Variants in PTBP2 observed in about 807,000 individuals in gnomAD.
The protein encoded by PTBP2 is polypyrimidine tract-binding protein 2.
PTBP2 carries 13 observed loss-of-function variants against 61.4 expected under a neutral mutation model. The observed-to-expected ratio is 0.21, with a 90% confidence interval of 0.14 to 0.34. PTBP2 has a LOEUF of 0.34. Ranked by LOEUF, PTBP2 falls within the 10% of genes least tolerant of loss-of-function variation. The pLI is 1.00. For missense variants in PTBP2, 405 were observed against 642.6 expected (o/e 0.63, Z 4.00); for synonymous variants, 215 against 218.5 (o/e 0.98, Z 0.14).
At chr1:96,800,791 A>G (rs978133606) in intron 8 of PTBP2, among the ~76,000 whole-genome samples, 1 of 152,060 alleles carries the variant, frequency 6.6e-6, no homozygotes, top group Admixed American at 6.6e-5. Flanking sequence ...TACCATTATA[A>G]ATTTATTTTA....
intron 2 of PTBP2, among the ~76,000 whole-genome samples, chr1:96,739,206 ATTGATAAAGTTATTAATG>A (rs1652643164): frequency 6.6e-6 from 1 of 152,160 alleles, no homozygotes; most frequent in Non-Finnish European, 1.5e-5. Context: ...AGTTATTAAT[ATTGATAAAGTTATTAATG>A]TTGCTTAATT....
chr1:96,765,331 A>G (rs1204043900), intron 3 of PTBP2, among the ~76,000 whole-genome samples: 2 of 152,220 alleles, frequency 1.3e-5, no homozygotes, highest in African/African-American at 2.4e-5. Context: ...GGACAGAAGT[A>G]TAAGGTTTTG....
intron 8 of PTBP2, among the ~76,000 whole-genome samples, chr1:96,802,885 A>G (rs1186717241): frequency 2.6e-5 from 4 of 152,240 alleles, no homozygotes; most frequent in African/African-American, 9.6e-5. Flanking sequence ...ACTTTAGTCA[A>G]ATATTCTGTG....
At chr1:96,754,726 G>A (rs1282736018) in intron 3 of PTBP2, among the ~76,000 whole-genome samples, 1 of 152,082 alleles carries the variant, frequency 6.6e-6, no homozygotes, top group Non-Finnish European at 1.5e-5. Flanking sequence ...ACTGATTTTT[G>A]ACAAAGGTGC....
intron 1 of PTBP2, among the ~76,000 whole-genome samples, chr1:96,722,618 G>T (rs1248473209): frequency 1.3e-5 from 2 of 152,188 alleles, no homozygotes; most frequent in Admixed American, 1.3e-4. Flanking sequence ...AAAACGAAGT[G>T]TTTGAAGCCG....
At chr1:96,757,524 A>G (rs906773308) in intron 3 of PTBP2, among the ~76,000 whole-genome samples, 2 of 152,174 alleles carry the variant, frequency 1.3e-5, no homozygotes, top group Admixed American at 6.5e-5. Context: ...ATTTATGGCA[A>G]TTGATAGGAT....
At chr1:96,767,148 T>G (rs951919318) in intron 3 of PTBP2, among the ~76,000 whole-genome samples, 2 of 152,170 alleles carry the variant, frequency 1.3e-5, no homozygotes, top group Non-Finnish European at 2.9e-5. Context: ...TATCCTTTGA[T>G]TCTCAGAAGT....
chr1:96,821,602 A>G (rs919734346), exon 14 of PTBP2: 6 of 151,546 alleles, frequency 4.0e-5, no homozygotes, highest in Admixed American at 6.6e-5. Flanking sequence ...TACTAGCCAC[A>G]TAAATTGCTA....
chr1:96,735,119 C>T (rs190301899), intron 2 of PTBP2, among the ~76,000 whole-genome samples: 1 of 151,772 alleles, frequency 6.6e-6, no homozygotes, highest in Non-Finnish European at 1.5e-5. Flanking sequence ...GGTTTCACCA[C>T]GTTGGCCAGG....
intron 8 of PTBP2, among the ~76,000 whole-genome samples, chr1:96,798,076 TAAA>T (rs563043412): frequency 1.8e-5 from 2 of 110,292 alleles, no homozygotes. Flanking sequence ...ACTCTGTCTC[TAAA>T]AAAAAAAAAA....
In PTBP2 at chr1:96,812,450, G is replaced by A. The variant is rs1253702094; in HGVS notation, c.1172-262G>A. On this transcript the variant is annotated intron_variant, in intron 11 of 13. Transcript: ENST00000674951. Reference sequence around the variant, plus strand: ...TTCTTTCTTGTGTAGCTCACTATACGATTTGTTAGCAGGATTGTTGAGGAA... The same window carrying A: ...TTCTTTCTTGTGTAGCTCACTATACAATTTGTTAGCAGGATTGTTGAGGAA... Among the ~76,000 whole-genome samples, 5 of 152,236 alleles carry A rather than the reference G, an allele frequency of 3.3e-5. No individual in the cohort carries two copies. The South Asian group carries it at 8.3e-4, about 25-fold the overall frequency.
chr1:96,771,488 A>G (rs1166207258), intron 5 of PTBP2: 1 of 151,890 alleles, frequency 6.6e-6, no homozygotes, highest in African/African-American at 2.4e-5. Flanking sequence ...GTAATGGAAA[A>G]CTGTTCCTCA....
chr1:96,782,483 A>G lies in PTBP2; in HGVS notation c.709-2576A>G, dbSNP rs967534287. 3.3e-5 allele frequency among the ~76,000 whole-genome samples: 5 copies of G among 152,112 alleles called. No individual in the cohort carries two copies. The East Asian group carries it at 9.6e-4, about 29-fold the overall frequency. ...GACATCTGCTTAATTTACAATCTGT[A>G]TATTTTACATTCATATTAATGGAGA... On this transcript the variant is annotated intron_variant, in intron 7 of 13. Transcript: ENST00000674951.
At chr1:96,758,934 T>G (rs1655474400) in intron 3 of PTBP2, among the ~76,000 whole-genome samples, 1 of 152,182 alleles carries the variant, frequency 6.6e-6, no homozygotes, top group Non-Finnish European at 1.5e-5. Context: ...TTGGTAGAAC[T>G]AATAAGTGAA....
intron 5 of PTBP2, chr1:96,771,170 C>T (rs567946531): frequency 5.5e-5 from 9 of 163,990 alleles, no homozygotes; most frequent in Non-Finnish European, 6.5e-5. Context: ...AGTTCAGTGC[C>T]TTTGGTTATT....
At chr1:96,802,241 C>T (rs989746358) in intron 8 of PTBP2, among the ~76,000 whole-genome samples, 1 of 144,114 alleles carries the variant, frequency 6.9e-6, no homozygotes, top group African/African-American at 2.6e-5. Flanking sequence ...AAAGAACCCA[C>T]ATTAACAAAA....
chr1:96,795,849 G>A (rs1167300343), intron 8 of PTBP2, among the ~76,000 whole-genome samples: 1 of 152,104 alleles, frequency 6.6e-6, no homozygotes, highest in Non-Finnish European at 1.5e-5. Flanking sequence ...TTTAAAACAT[G>A]GGTTTGGAGT....
chr1:96,754,567 A>G (rs950529469), intron 3 of PTBP2, among the ~76,000 whole-genome samples: 5 of 152,216 alleles, frequency 3.3e-5, no homozygotes, highest in Admixed American at 6.5e-5. Context: ...CGAAAAGCCA[A>G]TAGAGGAAAA....
At chr1:96,737,008 C>G (rs1224733540) in intron 2 of PTBP2, among the ~76,000 whole-genome samples, 2 of 151,308 alleles carry the variant, frequency 1.3e-5, no homozygotes, top group South Asian at 4.2e-4. Flanking sequence ...TAGACGGAGT[C>G]TCCCTTTGTT....
Sources: allele counts gnomAD v4.1 joint callset (sites outside exome capture counted in the v4.1 genomes callset), GRCh38; gene constraint gnomAD v4.1.1; transcripts MANE v1.5; gene names NCBI Gene and HGNC (gene_info 2026-07-23, HGNC 2026-07-21).